AGBL1: variants seen among roughly 807,000 people sequenced by gnomAD.
AGBL1 encodes AGBL carboxypeptidase 1, also known as cytosolic carboxypeptidase 4.
A neutral mutation model predicts 118.9 loss-of-function variants in AGBL1; 130 were observed. That is an observed-to-expected ratio of 1.09 (90% CI 0.95 to 1.26). The LOEUF is 1.26. Among genes scored for constraint, AGBL1 ranks in the 50% most tolerant of loss-of-function variants. The pLI is 0.00. For missense variants in AGBL1, 1,584 were observed against 1,298.1 expected (o/e 1.22, Z -3.38); for synonymous variants, 555 against 478.9 (o/e 1.16, Z -2.08).
chr15:86,156,472 C>T (rs1435644982), intron 4 of AGBL1, among the ~76,000 whole-genome samples: 2 of 152,284 alleles, frequency 1.3e-5, no homozygotes, highest in East Asian at 3.9e-4. Context: ...AAGGCCCTAT[C>T]TCCAGATACA....
At position 86,451,326 on chromosome 15, in the gene AGBL1, T is replaced by G. The variant is rs145262465; in HGVS notation, c.2555+53780T>G. On this transcript the variant is annotated intron_variant, in intron 18 of 22. Transcript: ENST00000614907. ...GAGGGAAAGAAGGACCTTAGAGACA[T>G]CTAAAGTGTAGGAAGTTTGAGGATA... Among the ~76,000 whole-genome samples, 306 of 152,308 alleles carry G rather than the reference T, an allele frequency of 2.0e-3. 1 individual carries two copies. The highest frequency in any genetic ancestry group is 3.4e-3 in the Non-Finnish European group (233 of 68,020).
intron 18 of AGBL1, among the ~76,000 whole-genome samples, chr15:86,498,208 C>T (rs2082876795): frequency 6.6e-6 from 1 of 151,664 alleles, no homozygotes; most frequent in African/African-American, 2.4e-5. Context: ...TATAATTGAC[C>T]CCCAATTCAG....
chr15:86,154,661 G>T, intron 4 of AGBL1, 100 bp downstream of exon 4: 2 of 1,366,512 alleles, frequency 1.5e-6, no homozygotes, highest in Admixed American at 5.1e-5. Flanking sequence ...GCATGGGTGA[G>T]AGATACACAT....
At chr15:86,942,191 G>C (rs2141655962) in intron 23 of AGBL1, among the ~76,000 whole-genome samples, 1 of 152,272 alleles carries the variant, frequency 6.6e-6, no homozygotes, top group South Asian at 2.1e-4. Flanking sequence ...AACCAGAATA[G>C]GATAACTGTA....
intron 5 of AGBL1, among the ~76,000 whole-genome samples, chr15:86,204,879 C>T (rs993256811): frequency 3.9e-5 from 6 of 152,156 alleles, no homozygotes; most frequent in South Asian, 2.1e-4. Context: ...TATGAGCCAC[C>T]GTGCCCAGCC....
intron 22 of AGBL1, among the ~76,000 whole-genome samples, chr15:86,691,080 T>C (rs1284714706): frequency 6.6e-6 from 1 of 152,058 alleles, no homozygotes; most frequent in Non-Finnish European, 1.5e-5. Context: ...TTTTCTCTAT[T>C]AAGAAGTGGA....
chr15:86,617,144 A>G (rs2084740055), intron 21 of AGBL1, among the ~76,000 whole-genome samples: 1 of 152,096 alleles, frequency 6.6e-6, no homozygotes, highest in Non-Finnish European at 1.5e-5. Context: ...TTGATCTGTG[A>G]TTTCTAATTG....
chr15:86,473,070 A>C (rs1439837962), intron 18 of AGBL1, among the ~76,000 whole-genome samples: 2 of 152,344 alleles, frequency 1.3e-5, no homozygotes, highest in East Asian at 3.9e-4. Context: ...GATTAAATGA[A>C]ATGTTACTTT....
intron 18 of AGBL1, among the ~76,000 whole-genome samples, chr15:86,403,507 G>T (rs146250207): frequency 7.0e-4 from 106 of 152,312 alleles, no homozygotes; most frequent in African/African-American, 2.2e-3. Flanking sequence ...ACCATTTAAA[G>T]TTAGTGCCAG....
chr15:86,316,356 T>A (rs946148997), intron 17 of AGBL1, among the ~76,000 whole-genome samples: 1 of 152,152 alleles, frequency 6.6e-6, no homozygotes, highest in Non-Finnish European at 1.5e-5. Context: ...ATTCCTCCTC[T>A]TTCTCTCCTA....
intron 17 of AGBL1, among the ~76,000 whole-genome samples, chr15:86,314,724 G>T (rs537987248): frequency 6.6e-6 from 1 of 152,246 alleles, no homozygotes; most frequent in East Asian, 1.9e-4. Flanking sequence ...TTCCCCAGTA[G>T]GAAGTCCCTT....
intron 22 of AGBL1, among the ~76,000 whole-genome samples, chr15:86,842,909 G>C (rs189376336): frequency 5.9e-5 from 9 of 152,166 alleles, no homozygotes; most frequent in African/African-American, 2.2e-4. Flanking sequence ...CCTCCCCTTT[G>C]CTTCCTTAAT....
At position 86,913,956 on chromosome 15, in the gene AGBL1, C is replaced by T. The variant is rs1184386406; in HGVS notation, c.*6662C>T. On this transcript the variant is annotated 3_prime_UTR_variant, in exon 23 of 23. Transcript: ENST00000614907. ...AATGATCTTTTATAGTCTCTAGGCT[C>T]TTATGGGGTTAAAATGATTTCTTGG... 1 of 152,164 alleles carries T rather than the reference C, an allele frequency of 6.6e-6. No individual in the cohort carries two copies. The highest frequency in any genetic ancestry group is 2.4e-5 in the African/African-American group (1 of 41,438). The allele number at this position is 152,164 out of a possible 1,614,324, so 9.4% of individuals were successfully genotyped here.
intron 1 of AGBL1, among the ~76,000 whole-genome samples, chr15:86,110,868 CCTCCCTCCCTTT>C (rs1897338486): frequency 6.6e-6 from 1 of 152,092 alleles, no homozygotes; most frequent in Non-Finnish European, 1.5e-5. Context: ...AAATACCATC[CCTCCCTCCCTTT>C]CTCCTCCAGC....
intron 22 of AGBL1, among the ~76,000 whole-genome samples, chr15:86,684,696 T>C (rs1334843832): frequency 6.6e-6 from 1 of 152,156 alleles, no homozygotes; most frequent in African/African-American, 2.4e-5. Flanking sequence ...ATTTCTGGGA[T>C]GACAAGCTCT....
chr15:86,133,974 A>G (rs1379803283), intron 1 of AGBL1, among the ~76,000 whole-genome samples: 1 of 152,192 alleles, frequency 6.6e-6, no homozygotes, highest in African/African-American at 2.4e-5. Context: ...ACCATTATTG[A>G]AACAAATATC....
At chr15:86,748,680 T>G (rs1051364619) in intron 22 of AGBL1, among the ~76,000 whole-genome samples, 1 of 151,916 alleles carries the variant, frequency 6.6e-6, no homozygotes, top group African/African-American at 2.4e-5. Flanking sequence ...CTTGAATTAA[T>G]TTTTGTATAA....
intron 18 of AGBL1, among the ~76,000 whole-genome samples, chr15:86,475,704 A>G (rs867355914): frequency 6.6e-6 from 1 of 152,186 alleles, no homozygotes; most frequent in Non-Finnish European, 1.5e-5. Flanking sequence ...CCAACATTCA[A>G]ATTCAGGAAA....
intron 24 of AGBL1, among the ~76,000 whole-genome samples, chr15:87,018,328 G>T (rs775086285): frequency 6.6e-6 from 1 of 152,064 alleles, no homozygotes. Flanking sequence ...ATTCTCTAAG[G>T]TCAAAATGAA....
Sources: gnomAD v4.1 joint callset for allele counts (sites outside exome capture counted in the v4.1 genomes callset) on GRCh38, gnomAD v4.1.1 for gene constraint, MANE v1.5 for transcripts, NCBI Gene and HGNC (gene_info 2026-07-23, HGNC 2026-07-21) for gene names.